The following STK32B variants were observed in gnomAD, a reference collection of about 807,000 sequenced individuals.
The protein encoded by STK32B is serine/threonine-protein kinase 32B.
A neutral mutation model predicts 52.6 loss-of-function variants in STK32B; 43 were observed. That is an observed-to-expected ratio of 0.82 (90% CI 0.64 to 1.05). STK32B has a LOEUF of 1.05. Among genes scored for constraint, STK32B ranks in the 50% least tolerant of loss-of-function variants. STK32B has a pLI of 0.00. For missense variants in STK32B, 621 were observed against 534.6 expected (o/e 1.16, Z -1.59); for synonymous variants, 238 against 204.3 (o/e 1.17, Z -1.41).
intron 4 of STK32B, among the ~76,000 whole-genome samples, chr4:5,347,429 G>A (rs1231272826): frequency 6.6e-6 from 1 of 152,182 alleles, no homozygotes; most frequent in South Asian, 2.1e-4. Context: ...TACAGCAAAG[G>A]GAAATTGTGG....
chr4:5,048,435 C>G (rs1168663724), upstream of STK32B, among the ~76,000 whole-genome samples: 1 of 151,738 alleles, frequency 6.6e-6, no homozygotes, highest in African/African-American at 2.4e-5. Flanking sequence ...TAGCTGAGGT[C>G]ACAGGTGCCT....
chr4:5,272,349 T>A (rs1453045775), intron 3 of STK32B, among the ~76,000 whole-genome samples: 1 of 147,846 alleles, frequency 6.8e-6, no homozygotes, highest in African/African-American at 2.6e-5. Flanking sequence ...ATCCCAGGGA[T>A]GAAGCCCACT....
chr4:5,323,025 A>G (rs892874333), intron 3 of STK32B, among the ~76,000 whole-genome samples: 3 of 152,198 alleles, frequency 2.0e-5, no homozygotes, highest in Non-Finnish European at 2.9e-5. Context: ...CCATTGGGCA[A>G]TTGAGGGTGA....
chr4:5,146,220 C>T (rs1288812606), intron 2 of STK32B, among the ~76,000 whole-genome samples: 2 of 151,988 alleles, frequency 1.3e-5, no homozygotes, highest in African/African-American at 2.4e-5. Flanking sequence ...GGTGAAGCCC[C>T]ACCATAGGCC....
intron 3 of STK32B, among the ~76,000 whole-genome samples, chr4:5,278,404 G>A (rs1727979934): frequency 6.6e-6 from 1 of 152,126 alleles, no homozygotes; most frequent in South Asian, 2.1e-4. Flanking sequence ...GTGGGCGTAG[G>A]AGATGAGACC....
chr4:5,259,093 A>G (rs530104246), intron 3 of STK32B, among the ~76,000 whole-genome samples: 8 of 152,144 alleles, frequency 5.3e-5, no homozygotes, highest in Non-Finnish European at 1.0e-4. Context: ...ACTCAACAAC[A>G]TCTTCTCAAG....
chr4:5,476,656 T>C (rs1289915802), intron 11 of STK32B, among the ~76,000 whole-genome samples: 1 of 152,042 alleles, frequency 6.6e-6, no homozygotes, highest in Admixed American at 6.6e-5. Context: ...GCCTAGCACC[T>C]GTGAAGATGA....
Position 5,333,908 on chromosome 4 carries a change from A to G in STK32B, c.434+2515A>G, listed in dbSNP as rs79363924. 3.2e-4 allele frequency among the ~76,000 whole-genome samples: 49 copies of G among 152,288 alleles called. No homozygotes were observed. In the East Asian group the frequency reaches 8.5e-3, roughly 26 times the overall value. ...GTAGTATAGTTTGAAGTCAGGTAGCATGATGCCTCCAGCTTTGTTCTTTTG... is the reference window on the plus strand; with the variant it reads ...GTAGTATAGTTTGAAGTCAGGTAGCGTGATGCCTCCAGCTTTGTTCTTTTG... On this transcript the variant is annotated intron_variant, in intron 4 of 11. Coordinates refer to ENST00000282908, the MANE Select transcript of STK32B (RefSeq NM_018401.3).
At chr4:5,357,024 C>T (rs184879416) in intron 4 of STK32B, among the ~76,000 whole-genome samples, 2,896 of 145,020 alleles carry the variant, frequency 0.02, 81 homozygotes, top group African/African-American at 0.067. Flanking sequence ...TATATATATA[C>T]ACACACACAC....
chr4:5,307,252 ACTT>A (rs1451797187), intron 3 of STK32B, among the ~76,000 whole-genome samples: 8 of 152,212 alleles, frequency 5.3e-5, no homozygotes, highest in South Asian at 4.1e-4. Context: ...TTTAGATTTC[ACTT>A]CTTCTTTGGA....
At chr4:5,294,887 C>G (rs1489545586) in intron 3 of STK32B, among the ~76,000 whole-genome samples, 1 of 152,090 alleles carries the variant, frequency 6.6e-6, no homozygotes, top group African/African-American at 2.4e-5. Flanking sequence ...TTTGCCCATT[C>G]AGTATGATAT....
intron 1 of STK32B, among the ~76,000 whole-genome samples, chr4:5,135,586 T>C (rs940662947): frequency 2.0e-5 from 3 of 152,314 alleles, no homozygotes; most frequent in South Asian, 4.1e-4. Flanking sequence ...TTTTTCCTAA[T>C]ATATTAAGTC....
At chr4:5,175,769 C>T (rs755771488) in intron 3 of STK32B, among the ~76,000 whole-genome samples, 5 of 152,126 alleles carry the variant, frequency 3.3e-5, no homozygotes, top group Admixed American at 2.6e-4. Flanking sequence ...TTGAGGAGGC[C>T]GTCTGCCTGT....
At chr4:5,154,209 GTC>G (rs1391436284) in intron 2 of STK32B, among the ~76,000 whole-genome samples, 1 of 125,180 alleles carries the variant, frequency 8.0e-6, no homozygotes, top group African/African-American at 3.0e-5. Flanking sequence ...TGCCTTCCAT[GTC>G]TTTTTTTTTT....
intron 6 of STK32B, among the ~76,000 whole-genome samples, chr4:5,420,584 C>T (rs367895091): frequency 6.6e-6 from 1 of 152,106 alleles, no homozygotes; most frequent in Non-Finnish European, 1.5e-5. Flanking sequence ...GGATGGAGAA[C>T]CTGCCAGCAC....
intron 2 of STK32B, among the ~76,000 whole-genome samples, chr4:5,143,645 C>T (rs879612518): frequency 6.6e-6 from 1 of 152,174 alleles, no homozygotes; most frequent in Non-Finnish European, 1.5e-5. Context: ...CTTCCTCTCG[C>T]CTCCACTGTC....
At chr4:5,194,865 CA>C (rs1232371387) in intron 3 of STK32B, among the ~76,000 whole-genome samples, 9 of 152,114 alleles carry the variant, frequency 5.9e-5, no homozygotes, top group Admixed American at 5.9e-4. Flanking sequence ...CACTTTTAAA[CA>C]ATCAGATTTC....
chr4:5,449,091 C>T (rs1267749196), intron 7 of STK32B, among the ~76,000 whole-genome samples: 3 of 152,182 alleles, frequency 2.0e-5, no homozygotes. Context: ...TCTGTAATCC[C>T]AGTTCTTTGG....
chr4:5,317,272 TATATAAC>T (rs1429754070), intron 3 of STK32B, among the ~76,000 whole-genome samples: 2 of 49,602 alleles, frequency 4.0e-5, no homozygotes, highest in Non-Finnish European at 6.0e-5. Flanking sequence ...ATATATATAA[TATATAAC>T]ATATAACATA....
Sources: gnomAD v4.1 joint callset for allele counts (sites outside exome capture counted in the v4.1 genomes callset) on GRCh38, gnomAD v4.1.1 for gene constraint, MANE v1.5 for transcripts, NCBI Gene and HGNC (gene_info 2026-07-23, HGNC 2026-07-21) for gene names.